RBM26: variants seen among roughly 807,000 people sequenced by gnomAD.
The protein encoded by RBM26 is RNA binding motif protein 26.
In RBM26, 30 loss-of-function variants were observed where a neutral mutation model predicts 123.6. The ratio of observed to expected loss-of-function variants is 0.24; its 90% confidence interval spans 0.18 to 0.33. The LOEUF is 0.33. RBM26 is among the 10% of genes least tolerant of loss of function. The pLI, the probability that RBM26 is intolerant of heterozygous loss-of-function variation, is 1.00. For synonymous variants in RBM26, 400 were observed against 404.4 expected, an observed-to-expected ratio of 0.99 and a Z score of 0.13; for missense variants, 947 against 1,203.6, an observed-to-expected ratio of 0.79 and a Z score of 3.15.
At chr13:79,331,127 T>G (rs746619560) in intron 20 of RBM26, among the ~76,000 whole-genome samples, 3 of 152,038 alleles carry the variant, frequency 2.0e-5, no homozygotes, top group Non-Finnish European at 4.4e-5. Flanking sequence ...CCTCCCACCT[T>G]AGCCTCGCAA....
downstream of RBM26, chr13:79,314,273 C>T (rs2066987308): frequency 6.6e-6 from 1 of 151,206 alleles, no homozygotes; most frequent in South Asian, 2.1e-4. Context: ...GATTGAAAGT[C>T]AAAAAAATGT....
At chr13:79,405,664 C>G in intron 1 of RBM26, 40 bp downstream of exon 1, 1 of 1,450,934 alleles carries the variant, frequency 6.9e-7, no homozygotes, top group Non-Finnish European at 9.5e-7. Flanking sequence ...GCCTATCTCC[C>G]ACTGCCATCC....
intron 1 of RBM26, among the ~76,000 whole-genome samples, chr13:79,404,832 GATTT>G (rs763364631): frequency 4.6e-5 from 7 of 151,970 alleles, no homozygotes; most frequent in South Asian, 2.1e-4. Flanking sequence ...TTAATATCTG[GATTT>G]ATTTATGTCT....
At chr13:79,365,974 G>T in intron 8 of RBM26, 81 bp downstream of exon 8, 1 of 1,372,750 alleles carries the variant, frequency 7.3e-7, no homozygotes, top group Non-Finnish European at 1.0e-6. Flanking sequence ...AGTCCTCACA[G>T]AGCAATTCTC....
intron 12 of RBM26, among the ~76,000 whole-genome samples, chr13:79,354,959 G>A (rs2073794791): frequency 6.6e-6 from 1 of 152,142 alleles, no homozygotes; most frequent in Admixed American, 6.5e-5. Context: ...ATACATAGCT[G>A]AGTACTCCTA....
chr13:79,316,336 G>A (rs1031884597), downstream of RBM26, among the ~76,000 whole-genome samples: 1 of 151,456 alleles, frequency 6.6e-6, no homozygotes, highest in Non-Finnish European at 1.5e-5. Flanking sequence ...TATTGATAAA[G>A]TTTGCTTCAT....
At position 79,342,879 on chromosome 13, in the gene RBM26, T is replaced by C. The variant is rs113001099; in HGVS notation, c.2260-48A>G. 1.3e-5 allele frequency: 16 copies of C among 1,201,852 alleles called. 2 individuals carry two copies. The African/African-American group carries it at 1.7e-4, about 13-fold the overall frequency. 74.4% of individuals were successfully genotyped at this position (1,201,852 alleles called of 1,614,324 possible). On this transcript the variant is annotated intron_variant, in intron 16 of 21. Coordinates refer to ENST00000438737, the MANE Select transcript of RBM26 (RefSeq NM_001366735.2). ...AAAATAAAGCTAATTACTCCTATTA[T>C]CATTAACAAAACAAACACTGCAAAG...
At chr13:79,369,753 A>G (rs1009343106) in intron 5 of RBM26, among the ~76,000 whole-genome samples, 10 of 152,238 alleles carry the variant, frequency 6.6e-5, no homozygotes, top group African/African-American at 1.2e-4. Flanking sequence ...GCAAAAATAT[A>G]TATCTGAAAT....
chr13:79,368,232 TAGCC>T (rs1438167616), intron 6 of RBM26, among the ~76,000 whole-genome samples: 1 of 152,170 alleles, frequency 6.6e-6, no homozygotes, highest in Non-Finnish European at 1.5e-5. Flanking sequence ...CATACCATGT[TAGCC>T]AGGATGGTCT....
rs191121890 is a variant in RBM26, at chr13:79,353,961, C to T, written c.1986+478G>A. ...TAAGTGATGCAAAGTTATGAGAGAG[C>T]AGTCTAAGTACTTAAAACAGTATAA... On this transcript the variant is annotated intron_variant, in intron 13 of 21. Coordinates refer to ENST00000438737, the MANE Select transcript of RBM26 (RefSeq NM_001366735.2). Among the ~76,000 whole-genome samples the T allele has an allele frequency of 1.7e-3, 254 of 152,262 alleles. 1 individual carries two copies. The highest frequency in any genetic ancestry group is 5.8e-3 in the African/African-American group (239 of 41,552).
chr13:79,379,168 CCAAATGTACT>C (rs2076876696), intron 1 of RBM26, among the ~76,000 whole-genome samples: 2 of 151,812 alleles, frequency 1.3e-5, no homozygotes, highest in African/African-American at 4.8e-5. Context: ...AGAAATGGAT[CCAAATGTACT>C]AGGAATTCAG....
intron 21 of RBM26, 66 bp from the exon 22 acceptor site, chr13:79,320,776 C>T (rs2067577503): frequency 7.4e-7 from 1 of 1,349,504 alleles, no homozygotes; most frequent in Non-Finnish European, 9.9e-7. Context: ...AAAAAGGTGA[C>T]ACTTTTAAAT....
chr13:79,348,671 G>A (rs1180955053), intron 14 of RBM26, among the ~76,000 whole-genome samples: 1 of 152,122 alleles, frequency 6.6e-6, no homozygotes, highest in Non-Finnish European at 1.5e-5. Flanking sequence ...TATTAATACA[G>A]TTACTGTATG....
Position 79,371,097 on chromosome 13 carries a change from C to T in RBM26, c.482G>A (p.Arg161Gln). 1.2e-6 allele frequency: 2 copies of T among 1,614,090 alleles called. No homozygotes were observed. Among genetic ancestry groups the T allele is most frequent in the Non-Finnish European group, 1.7e-6 (2 of 1,180,012 alleles). Residue 161 changes from arginine (R) to glutamine (Q), a missense_variant, in exon 5 of 22, where the codon CGA becomes CAA. Physicochemically the swap from Arg to Gln is conservative, Grantham distance 43. This residue lies in a region of RBM26 where 275 missense variants were observed against 361.0 expected (regional missense o/e 0.76). Transcript: ENST00000438737. ...GTACCGGTCTCTGTATGAATCTCTT[C>T]GAGGAGGGTTTCGATCATAATCTCT... ...RKRDYDRNPP[R>Q]RDSYRDRYNR...
chr13:79,382,043 A>T (rs1468606992), intron 1 of RBM26, among the ~76,000 whole-genome samples: 1 of 152,122 alleles, frequency 6.6e-6, no homozygotes, highest in Non-Finnish European at 1.5e-5. Flanking sequence ...AAGCTGAGTA[A>T]AAAATATGGA....
At chr13:79,361,810 C>T (rs1478960639) in intron 9 of RBM26, among the ~76,000 whole-genome samples, 1 of 152,148 alleles carries the variant, frequency 6.6e-6, no homozygotes, top group East Asian at 1.9e-4. Context: ...GTTTTCTCAT[C>T]TCACTTTACA....
chr13:79,356,510 G>A lies in RBM26; in HGVS notation c.1690-1126C>T, dbSNP rs2074029875. ...GGCCTTGTTTTCTTTTTCTACAAAT[G>A]AGAATAACCATATCCACTCTTCAGT... On this transcript the variant is annotated intron_variant, in intron 11 of 21. Transcript: ENST00000438737. Among the ~76,000 whole-genome samples, 4 of 151,834 alleles carry A rather than the reference G, an allele frequency of 2.6e-5. No individual in the cohort carries two copies. In the South Asian group the frequency reaches 8.3e-4, roughly 32 times the overall value.
At chr13:79,382,143 A>G (rs927172431) in intron 1 of RBM26, among the ~76,000 whole-genome samples, 1 of 152,114 alleles carries the variant, frequency 6.6e-6, no homozygotes, top group Non-Finnish European at 1.5e-5. Context: ...CTTAAATGTT[A>G]TATTATCTGA....
At chr13:79,404,035 A>G (rs1197095308) in intron 1 of RBM26, among the ~76,000 whole-genome samples, 4 of 151,984 alleles carry the variant, frequency 2.6e-5, no homozygotes, top group Non-Finnish European at 2.9e-5. Flanking sequence ...ATTTCCCACA[A>G]TGTCATCGTC....
Sources: gnomAD v4.1 joint callset for allele counts (sites outside exome capture counted in the v4.1 genomes callset) on GRCh38, gnomAD v4.1.1 for gene constraint, gnomAD v4.1.1 regional missense constraint, MANE v1.5 for transcripts, NCBI Gene and HGNC (gene_info 2026-07-23, HGNC 2026-07-21) for gene names.